The following DLGAP2 variants were observed in gnomAD, a reference collection of about 807,000 sequenced individuals.
DLGAP2 encodes the protein DLG associated protein 2.
In DLGAP2, 26 loss-of-function variants were observed where a neutral mutation model predicts 100.3. The ratio of observed to expected loss-of-function variants is 0.26; its 90% confidence interval spans 0.19 to 0.36. The LOEUF is 0.36. Among genes scored for constraint, DLGAP2 ranks in the 10% least tolerant of loss-of-function variants. The probability of loss-of-function intolerance (pLI) is 1.00; values close to 1 mark genes in which losing one functional copy is unlikely to be tolerated. For synonymous variants in DLGAP2, 886 were observed against 630.1 expected, an observed-to-expected ratio of 1.41 and a Z score of -6.08; for missense variants, 1,858 against 1,453.2, an observed-to-expected ratio of 1.28 and a Z score of -4.53.
At chr8:1,125,541 A>T (rs531172521) in intron 2 of DLGAP2, among the ~76,000 whole-genome samples, 1 of 152,366 alleles carries the variant, frequency 6.6e-6, no homozygotes, top group Non-Finnish European at 1.5e-5. Flanking sequence ...AAAACAACTC[A>T]ACTCTTAAAA....
rs922180600 is a variant in DLGAP2, at chr8:1,179,541, A to G, written c.74-79310A>G. 6.6e-5 allele frequency among the ~76,000 whole-genome samples: 10 copies of G among 152,360 alleles called. 1 individual carries two copies. The highest frequency in any genetic ancestry group is 2.2e-4 in the African/African-American group (9 of 41,592). ...GGGATGAGGCTTCCACCTCTCTCCA[A>G]GTTTCCTTTTACTCAAGACGGTGGA... On this transcript the variant is annotated intron_variant, in intron 2 of 14. Transcript: ENST00000637795.
At chr8:1,085,006 T>A (rs1225068028) in intron 2 of DLGAP2, among the ~76,000 whole-genome samples, 2 of 152,226 alleles carry the variant, frequency 1.3e-5, no homozygotes, top group African/African-American at 4.8e-5. Flanking sequence ...GGTTCCCATT[T>A]CTCCACATCA....
chr8:987,584 C>G (rs1364768199), intron 2 of DLGAP2, among the ~76,000 whole-genome samples: 1 of 152,166 alleles, frequency 6.6e-6, no homozygotes, highest in African/African-American at 2.4e-5. Flanking sequence ...ACTCAGCCAG[C>G]AAACAAAATA....
chr8:966,084 C>T (rs1196336367), intron 2 of DLGAP2, among the ~76,000 whole-genome samples: 1 of 152,250 alleles, frequency 6.6e-6, no homozygotes, highest in Non-Finnish European at 1.5e-5. Context: ...TCTCGCCAGA[C>T]TCCCTGATGA....
chr8:1,001,091 A>G (rs2129018067), intron 2 of DLGAP2, among the ~76,000 whole-genome samples: 1 of 152,360 alleles, frequency 6.6e-6, no homozygotes, highest in Admixed American at 6.5e-5. Context: ...AGAGGGAATC[A>G]CAATTTCTCC....
intron 10 of DLGAP2, among the ~76,000 whole-genome samples, chr8:1,675,930 T>C (rs1014691056): frequency 3.9e-5 from 6 of 152,216 alleles, no homozygotes; most frequent in Non-Finnish European, 7.3e-5. Flanking sequence ...TGGGGACTTT[T>C]TGGCAAATAC....
chr8:1,337,985 G>C (rs1477595241), intron 3 of DLGAP2, among the ~76,000 whole-genome samples: 1 of 152,212 alleles, frequency 6.6e-6, no homozygotes, highest in Non-Finnish European at 1.5e-5. Context: ...ACCAAGATGA[G>C]ATGCAATTGC....
chr8:1,176,114 G>A (rs1422792225), intron 2 of DLGAP2, among the ~76,000 whole-genome samples: 1 of 152,166 alleles, frequency 6.6e-6, no homozygotes, highest in African/African-American at 2.4e-5. Flanking sequence ...CTGACTCACA[G>A]TTCCACATGG....
intron 2 of DLGAP2, among the ~76,000 whole-genome samples, chr8:1,080,319 C>T (rs562459356): frequency 6.6e-5 from 10 of 152,344 alleles, no homozygotes; most frequent in South Asian, 6.2e-4. Flanking sequence ...TCCGGGGGGC[C>T]GGCCTTTCCT....
At chr8:1,163,838 C>T (rs1336625881) in intron 2 of DLGAP2, among the ~76,000 whole-genome samples, 2 of 152,162 alleles carry the variant, frequency 1.3e-5, no homozygotes, top group Admixed American at 6.5e-5. Context: ...TACGGAGGCT[C>T]AGGAGCTCTG....
chr8:1,317,053 G>A (rs181403942), intron 3 of DLGAP2, among the ~76,000 whole-genome samples: 10 of 118,430 alleles, frequency 8.4e-5, no homozygotes, highest in East Asian at 2.4e-4. Flanking sequence ...CGAGTGCAGC[G>A]TCTCTCCAAC....
intron 6 of DLGAP2, among the ~76,000 whole-genome samples, chr8:1,600,445 T>C (rs1796589956): frequency 2.0e-5 from 3 of 152,212 alleles, no homozygotes; most frequent in African/African-American, 7.2e-5. Flanking sequence ...GAAGTTCTCC[T>C]GGATTATATC....
At chr8:1,303,340 A>T (rs4445250) in intron 3 of DLGAP2, among the ~76,000 whole-genome samples, 8,245 of 149,878 alleles carry the variant, frequency 0.055, 698 homozygotes, top group African/African-American at 0.18. Context: ...GAGCTTGCAC[A>T]GAGCCGAGAT....
chr8:898,855 G>A lies in DLGAP2; in HGVS notation c.19-9057G>A, dbSNP rs143195246. 2.0e-5 allele frequency among the ~76,000 whole-genome samples: 3 copies of A among 152,304 alleles called. No homozygotes were observed. In the East Asian group the frequency reaches 5.8e-4, roughly 29 times the overall value. ...CAGCTTTGAAGGGGGTTAATGGAGT[G>A]GATATCCCTGTTCACTGGAGGGTGA... is the stretch of plus-strand genomic sequence containing the variant. On this transcript the variant is annotated intron_variant, in intron 1 of 14. Coordinates refer to ENST00000637795, the MANE Select transcript of DLGAP2 (RefSeq NM_001346810.2).
intron 14 of DLGAP2, among the ~76,000 whole-genome samples, chr8:1,699,960 G>A (rs1449916533): frequency 6.6e-6 from 1 of 152,224 alleles, no homozygotes; most frequent in Non-Finnish European, 1.5e-5. Context: ...TATGAGGACA[G>A]TTATGTGCTG....
chr8:1,615,758 AG>A (rs747501601), intron 6 of DLGAP2, among the ~76,000 whole-genome samples: 7 of 152,136 alleles, frequency 4.6e-5, no homozygotes, highest in Non-Finnish European at 8.8e-5. Flanking sequence ...AGATCTTTAA[AG>A]CAGCCATTGT....
intron 1 of DLGAP2, among the ~76,000 whole-genome samples, chr8:782,458 A>T (rs1280892323): frequency 3.3e-5 from 5 of 152,234 alleles, no homozygotes; most frequent in African/African-American, 1.2e-4. Flanking sequence ...TAGATATTCC[A>T]TGCCATTTCA....
chr8:1,425,016 G>A (rs190345745), intron 3 of DLGAP2, among the ~76,000 whole-genome samples: 307 of 152,302 alleles, frequency 2.0e-3, no homozygotes, highest in Non-Finnish European at 3.6e-3. Context: ...GCCCATGATG[G>A]TGAATCTTAT....
intron 4 of DLGAP2, among the ~76,000 whole-genome samples, chr8:1,501,676 G>A (rs964980534): frequency 6.6e-6 from 1 of 152,214 alleles, no homozygotes; most frequent in Non-Finnish European, 1.5e-5. Flanking sequence ...TCACATAAAC[G>A]ATGCATGTCT....
Sources: gnomAD v4.1 joint callset for allele counts (sites outside exome capture counted in the v4.1 genomes callset) on GRCh38, gnomAD v4.1.1 for gene constraint, MANE v1.5 for transcripts, NCBI Gene and HGNC (gene_info 2026-07-23, HGNC 2026-07-21) for gene names.